Variants in CACNA2D3 observed in about 807,000 individuals in gnomAD.
CACNA2D3 encodes calcium voltage-gated channel auxiliary subunit alpha2delta 3.
A neutral mutation model predicts 160.6 loss-of-function variants in CACNA2D3; 60 were observed. That is an observed-to-expected ratio of 0.37 (90% CI 0.30 to 0.46). The LOEUF (loss-of-function observed/expected upper bound fraction) is 0.46. Ranked by LOEUF, CACNA2D3 falls within the 20% of genes least tolerant of loss-of-function variation. The pLI is 1.00. For missense variants in CACNA2D3, 1,205 were observed against 1,365.0 expected (o/e 0.88, Z 1.85); for synonymous variants, 558 against 492.9 (o/e 1.13, Z -1.75).
At chr3:54,590,396 A>C (rs1364285482) in intron 9 of CACNA2D3, among the ~76,000 whole-genome samples, 1 of 152,096 alleles carries the variant, frequency 6.6e-6, no homozygotes, top group Non-Finnish European at 1.5e-5. Flanking sequence ...AGAAAGAGAG[A>C]ACAGATTAGT....
At chr3:55,051,646 C>A (rs982875034) in intron 35 of CACNA2D3, among the ~76,000 whole-genome samples, 22 of 152,204 alleles carry the variant, frequency 1.4e-4, no homozygotes, top group Admixed American at 3.9e-4. Context: ...GTTCGAGCTT[C>A]CGGGCTGCTT....
At chr3:54,926,368 A>G (rs1168341561) in intron 27 of CACNA2D3, among the ~76,000 whole-genome samples, 3 of 152,138 alleles carry the variant, frequency 2.0e-5, no homozygotes, top group Non-Finnish European at 4.4e-5. Flanking sequence ...ACAGAGTATT[A>G]TAGTAGAGCT....
chr3:54,757,741 T>G (rs1308759001), intron 12 of CACNA2D3, among the ~76,000 whole-genome samples: 2 of 152,152 alleles, frequency 1.3e-5, no homozygotes, highest in Non-Finnish European at 1.5e-5. Flanking sequence ...CCTCTTTTGA[T>G]CCTCCCAAAG....
intron 3 of CACNA2D3, among the ~76,000 whole-genome samples, chr3:54,328,675 T>C (rs149159929): frequency 6.6e-6 from 1 of 152,176 alleles, no homozygotes; most frequent in Non-Finnish European, 1.5e-5. Flanking sequence ...AATTACACCA[T>C]GTCACACAGA....
At chr3:54,577,300 G>A (rs1702600906) in intron 8 of CACNA2D3, among the ~76,000 whole-genome samples, 1 of 152,164 alleles carries the variant, frequency 6.6e-6, no homozygotes, top group Admixed American at 6.5e-5. Context: ...TAAGCTGGCT[G>A]CACCGTCTTG....
At chr3:54,561,562 C>T (rs548091820) in intron 5 of CACNA2D3, among the ~76,000 whole-genome samples, 20 of 152,106 alleles carry the variant, frequency 1.3e-4, no homozygotes, top group Non-Finnish European at 2.4e-4. Flanking sequence ...TTTGAATGCC[C>T]TTTATTTCTT....
At chr3:55,017,535 A>G (rs557650708) in intron 34 of CACNA2D3, among the ~76,000 whole-genome samples, 2 of 152,230 alleles carry the variant, frequency 1.3e-5, no homozygotes, top group South Asian at 4.1e-4. Context: ...TCTCACATCA[A>G]CCTCTGATAG....
intron 2 of CACNA2D3, among the ~76,000 whole-genome samples, chr3:54,319,062 T>C (rs939585286): frequency 2.0e-5 from 3 of 151,992 alleles, no homozygotes; most frequent in Non-Finnish European, 4.4e-5. Context: ...CCTCCCCTTG[T>C]CCTCAAACAG....
intron 35 of CACNA2D3, among the ~76,000 whole-genome samples, chr3:55,043,996 G>T (rs578097479): frequency 5.9e-5 from 9 of 152,058 alleles, no homozygotes; most frequent in African/African-American, 2.2e-4. Flanking sequence ...ATATAAAACC[G>T]TCTTGATTAT....
chr3:54,715,596 C>T (rs916621195), intron 11 of CACNA2D3, among the ~76,000 whole-genome samples: 2 of 152,100 alleles, frequency 1.3e-5, no homozygotes, highest in Non-Finnish European at 2.9e-5. Context: ...CAGCCTCCAT[C>T]CTGAGGCTAT....
At position 54,908,804 on chromosome 3, in the gene CACNA2D3, A is replaced by G. The variant is rs1050722887; in HGVS notation, c.2449+8936A>G. 2.0e-5 allele frequency among the ~76,000 whole-genome samples: 3 copies of G among 152,230 alleles called. No individual in the cohort carries two copies. In the South Asian group the frequency reaches 6.2e-4, roughly 32 times the overall value. ...GTTGTATTGAAATGCAGCCATGCCC[A>G]TATTGTCTGTGAATACCTTCTTGCT... On this transcript the variant is annotated intron_variant, in intron 27 of 37. Coordinates refer to ENST00000474759, the MANE Select transcript of CACNA2D3 (RefSeq NM_018398.3).
intron 8 of CACNA2D3, among the ~76,000 whole-genome samples, chr3:54,577,280 G>C (rs565702732): frequency 1.3e-5 from 2 of 152,270 alleles, no homozygotes; most frequent in South Asian, 4.2e-4. Flanking sequence ...CCTGCGTGGG[G>C]ATTTCCCAGT....
chr3:54,126,742 G>T (rs1699601314), intron 2 of CACNA2D3, among the ~76,000 whole-genome samples: 1 of 152,120 alleles, frequency 6.6e-6, no homozygotes, highest in Admixed American at 6.5e-5. Context: ...GCCCCTGGAG[G>T]GATGGTGCTG....
chr3:54,532,679 A>C (rs1320249702), intron 5 of CACNA2D3, among the ~76,000 whole-genome samples: 2 of 152,060 alleles, frequency 1.3e-5, no homozygotes, highest in Non-Finnish European at 1.5e-5. Context: ...CATACCATAC[A>C]TTTTCTTTAT....
At chr3:54,305,661 CA>C (rs1703581869) in intron 2 of CACNA2D3, among the ~76,000 whole-genome samples, 1 of 152,252 alleles carries the variant, frequency 6.6e-6, no homozygotes, top group Non-Finnish European at 1.5e-5. Flanking sequence ...ACCATTCACA[CA>C]CTGAAGGACT....
intron 13 of CACNA2D3, among the ~76,000 whole-genome samples, chr3:54,803,472 G>C (rs929689011): frequency 1.3e-5 from 2 of 152,110 alleles, no homozygotes; most frequent in Non-Finnish European, 2.9e-5. Context: ...GATGGAAGAT[G>C]AAATGAATGA....
chr3:54,353,815 G>A (rs1698605372), intron 3 of CACNA2D3, among the ~76,000 whole-genome samples: 1 of 152,144 alleles, frequency 6.6e-6, no homozygotes, highest in Admixed American at 6.5e-5. Flanking sequence ...TAAAAGTTAG[G>A]CCAGTCAGCC....
intron 27 of CACNA2D3, among the ~76,000 whole-genome samples, chr3:54,921,017 A>C (rs1433445189): frequency 1.3e-5 from 2 of 152,162 alleles, no homozygotes. Context: ...GGTGATCCTC[A>C]GCCGGGATGC....
intron 35 of CACNA2D3, among the ~76,000 whole-genome samples, chr3:55,031,145 G>A (rs1430322869): frequency 6.6e-6 from 1 of 152,206 alleles, no homozygotes; most frequent in Non-Finnish European, 1.5e-5. Flanking sequence ...ATGGAGGCGT[G>A]CAGAGCTGTG....
Sources: gnomAD v4.1 joint callset for allele counts (sites outside exome capture counted in the v4.1 genomes callset) on GRCh38, gnomAD v4.1.1 for gene constraint, MANE v1.5 for transcripts, NCBI Gene and HGNC (gene_info 2026-07-23, HGNC 2026-07-21) for gene names.